PHYKPL: variants seen among roughly 807,000 people sequenced by gnomAD.
The protein encoded by PHYKPL is 5-phosphohydroxy-L-lysine phospho-lyase, also known as 5-phosphonooxy-L-lysine phospho-lyase.
Under a neutral mutation model 51.3 loss-of-function variants are expected in PHYKPL, and 42 were observed. The ratio of observed to expected loss-of-function variants is 0.82; its 90% CI spans 0.64 to 1.06. PHYKPL has a LOEUF of 1.06. PHYKPL is among the 50% of genes least tolerant of loss of function. The pLI, the probability that PHYKPL is intolerant of heterozygous loss-of-function variation, is 0.00. For synonymous variants in PHYKPL, 264 were observed against 236.0 expected (o/e 1.12, Z -1.09); for missense variants, 655 against 586.6 (o/e 1.12, Z -1.20).
intron 8 of PHYKPL, among the ~76,000 whole-genome samples, chr5:178,219,031 T>C (rs568930005): frequency 1.3e-5 from 2 of 152,320 alleles, no homozygotes; most frequent in East Asian, 3.9e-4. Context: ...GATTCCTGAT[T>C]CACATCGTGT....
chr5:178,222,282 G>A (rs763731317), intron 8 of PHYKPL, 73 bp downstream of exon 8: 2 of 1,361,584 alleles, frequency 1.5e-6, no homozygotes, highest in Non-Finnish European at 2.0e-6. Flanking sequence ...AGCCTTTGCT[G>A]ACTAAGGACA....
At chr5:178,224,792 A>AC (rs1761968492) in intron 4 of PHYKPL, 63 bp from the exon 5 acceptor site, 3 of 1,327,884 alleles carry the variant, frequency 2.3e-6, no homozygotes, top group Middle Eastern at 2.1e-4. Context: ...GCCCAGTCTG[A>AC]CCATCGTCTC....
In PHYKPL at chr5:178,223,017, C is replaced by G. The variant is rs1581309400; in HGVS notation, c.619-83G>C. The G allele has an allele frequency of 3.0e-6, 4 of 1,339,636 alleles. No homozygotes were observed. In the East Asian group the frequency reaches 9.6e-5, roughly 32 times the overall value. 83.0% of individuals were successfully genotyped at this position (1,339,636 alleles called of 1,614,324 possible). ...CGTGCCCTGCTAGTGCTGGCTTAGTCCAAGCAAGACAAGTCACCATCAGTG... is the reference window on the plus strand; with the variant it reads ...CGTGCCCTGCTAGTGCTGGCTTAGTGCAAGCAAGACAAGTCACCATCAGTG... On this transcript the variant is annotated intron_variant, in intron 6 of 12. Transcript: ENST00000308158.
At chr5:178,230,208 G>A (rs1199164507) in intron 2 of PHYKPL, 109 bp from the exon 3 acceptor site, 9 of 1,418,728 alleles carry the variant, frequency 6.3e-6, no homozygotes, top group African/African-American at 1.4e-5. Flanking sequence ...AGTTCTAGAG[G>A]GAGAGGTAGA....
At chr5:178,210,159 A>C in intron 12 of PHYKPL, 3 of 1,614,050 alleles carry the variant, frequency 1.9e-6, no homozygotes, top group Non-Finnish European at 1.7e-6. Flanking sequence ...AATCAGGGCT[A>C]CGGCAACTAC....
chr5:178,229,449 C>T (rs889934453), intron 3 of PHYKPL, among the ~76,000 whole-genome samples: 1 of 152,192 alleles, frequency 6.6e-6, no homozygotes, highest in African/African-American at 2.4e-5. Context: ...CTTCCTTCCT[C>T]CTCTTCTAGT....
At chr5:178,210,690 T>G in intron 12 of PHYKPL, 1 of 1,273,368 alleles carries the variant, frequency 7.9e-7, no homozygotes, top group Non-Finnish European at 1.1e-6. Flanking sequence ...AACACAATTA[T>G]GTACCAAATT....
intron 8 of PHYKPL, among the ~76,000 whole-genome samples, chr5:178,221,581 C>T (rs1425913661): frequency 6.6e-6 from 1 of 152,106 alleles, no homozygotes; most frequent in African/African-American, 2.4e-5. Context: ...CATTATCTTG[C>T]CTTATCTATC....
At chr5:178,224,268 G>A (rs549388548) in intron 6 of PHYKPL, 180 bp downstream of exon 6, 24 of 663,528 alleles carry the variant, frequency 3.6e-5, no homozygotes, top group Admixed American at 1.3e-4. Context: ...TGGCTACCAC[G>A]CCCATGCTAG....
chr5:178,210,071 C>T, intron 12 of PHYKPL: 2 of 1,586,602 alleles, frequency 1.3e-6, no homozygotes, highest in Non-Finnish European at 1.7e-6. Flanking sequence ...GGATTTCCTC[C>T]ATCCTAGCTC....
chr5:178,212,547 C>G (rs1758780770), intron 11 of PHYKPL, among the ~76,000 whole-genome samples: 1 of 152,212 alleles, frequency 6.6e-6, no homozygotes, highest in Non-Finnish European at 1.5e-5. Flanking sequence ...TCCGTCAGTC[C>G]TCAGTGGTAC....
intron 3 of PHYKPL, chr5:178,228,314 C>T: frequency 1.8e-6 from 1 of 556,020 alleles, no homozygotes; most frequent in South Asian, 2.3e-5. Flanking sequence ...CAGGAGAGCA[C>T]AGTGCCCGGG....
chr5:178,229,905 AC>A, intron 3 of PHYKPL, 34 bp downstream of exon 3: 1 of 1,606,358 alleles, frequency 6.2e-7, no homozygotes, highest in Non-Finnish European at 8.5e-7. Context: ...TTACCGTCTC[AC>A]CCTCTTCCCG....
rs544441391 is a variant in PHYKPL, at chr5:178,225,703, T to G, written c.339-274A>C. On this transcript the variant is annotated intron_variant, in intron 3 of 12. Coordinates refer to ENST00000308158, the MANE Select transcript of PHYKPL (RefSeq NM_153373.4). Reference sequence around the variant, plus strand: ...TGTTTTGAAAAAACCCAAACCATTGTTTTTCCTCTGCTTTCACACTACAAC... The same window carrying G: ...TGTTTTGAAAAAACCCAAACCATTGGTTTTCCTCTGCTTTCACACTACAAC... 38 of 473,148 alleles carry G rather than the reference T, an allele frequency of 8.0e-5. No homozygotes were observed. The East Asian group carries it at 1.4e-3, about 17-fold the overall frequency. 29.3% of individuals were successfully genotyped at this position (473,148 alleles called of 1,614,324 possible). A position where few individuals can be genotyped will look rare whatever the true frequency, so the allele number is the denominator to read the frequency against.
chr5:178,210,948 G>A (rs1758133675), intron 12 of PHYKPL: 1 of 330,270 alleles, frequency 3.0e-6, no homozygotes, highest in African/African-American at 2.1e-5. Flanking sequence ...AGAGTAAATT[G>A]TATCTTAGGA....
rs562559863 is a variant in PHYKPL at position 178,231,271 on chromosome 5, C to G, written c.178+134G>C. The G allele has an allele frequency of 6.2e-5, 89 of 1,433,716 alleles. 1 individual carries two copies. The South Asian group carries it at 9.0e-4, about 15-fold the overall frequency. 88.8% of individuals were successfully genotyped at this position (1,433,716 alleles called of 1,614,324 possible). On this transcript the variant is annotated intron_variant, in intron 2 of 12. Transcript: ENST00000308158. The stretch of plus-strand genomic sequence containing the variant: ...CACAGCTATATTGCGAAGGCTGAGC[C>G]TCCTCTGCATACTGACAGTGCCTCA...
chr5:178,232,782 A>T lies in PHYKPL; in HGVS notation c.-232T>A, dbSNP rs1368537927. On this transcript the variant is annotated 5_prime_UTR_variant, in exon 1 of 13. Coordinates refer to ENST00000308158, the MANE Select transcript of PHYKPL (RefSeq NM_153373.4). Reference sequence around the variant, plus strand: ...TCGTGCCTTGGCAGTCCCGCGCAGGAACTCGAGCGCTGCCCCGTCTCTGGT... The same window carrying T: ...TCGTGCCTTGGCAGTCCCGCGCAGGTACTCGAGCGCTGCCCCGTCTCTGGT... The T allele has an allele frequency of 2.7e-6, 1 of 364,450 alleles. No individual in the cohort carries two copies. The highest frequency in any genetic ancestry group is 2.5e-5 in the African/African-American group (1 of 40,142). 22.6% of individuals were successfully genotyped at this position (364,450 alleles called of 1,614,324 possible).
intron 8 of PHYKPL, among the ~76,000 whole-genome samples, chr5:178,219,672 G>T (rs1291699023): frequency 6.6e-6 from 1 of 151,816 alleles, no homozygotes; most frequent in African/African-American, 2.4e-5. Flanking sequence ...GGATGGTCTC[G>T]ATCTCCTGAC....
intron 3 of PHYKPL, among the ~76,000 whole-genome samples, chr5:178,226,946 TACAC>T (rs1210173585): frequency 2.0e-5 from 3 of 151,040 alleles, no homozygotes; most frequent in Non-Finnish European, 2.9e-5. Context: ...TATATACAAA[TACAC>T]ACACACACAC....
Sources: allele counts gnomAD v4.1 joint callset (sites outside exome capture counted in the v4.1 genomes callset), GRCh38; gene constraint gnomAD v4.1.1; transcripts MANE v1.5; gene names NCBI Gene and HGNC (gene_info 2026-07-23, HGNC 2026-07-21).